The following ST18 variants were observed in gnomAD, a reference collection of about 807,000 sequenced individuals.
ST18 encodes the protein suppression of tumorigenicity 18 protein.
ST18 carries 50 observed loss-of-function variants against 110.0 expected under a neutral mutation model. The ratio of observed to expected loss-of-function variants is 0.45; its 90% CI spans 0.36 to 0.58. The LOEUF (loss-of-function observed/expected upper bound fraction) is 0.58, where lower values mean the gene tolerates loss of function less well. Ranked by LOEUF, ST18 falls within the 20% of genes least tolerant of loss-of-function variation. The probability of loss-of-function intolerance (pLI) is 0.00; values close to 1 mark genes in which losing one functional copy is unlikely to be tolerated. For synonymous variants in ST18, 461 were observed against 452.4 expected (o/e 1.02, Z -0.24); for missense variants, 1,306 against 1,280.1 (o/e 1.02, Z -0.31).
At chr8:52,310,336 C>A (rs2095883412) in intron 2 of ST18, among the ~76,000 whole-genome samples, 1 of 152,196 alleles carries the variant, frequency 6.6e-6, no homozygotes, top group South Asian at 2.1e-4. Flanking sequence ...TTTTTCTGCA[C>A]ACCTACACAT....
At chr8:52,309,273 C>T (rs760467979) in intron 2 of ST18, among the ~76,000 whole-genome samples, 1 of 152,166 alleles carries the variant, frequency 6.6e-6, no homozygotes, top group Non-Finnish European at 1.5e-5. Context: ...GTAATTCCAG[C>T]ACTTTGGGTG....
chr8:52,189,172 G>A (rs1474077390), intron 8 of ST18, among the ~76,000 whole-genome samples: 2 of 152,086 alleles, frequency 1.3e-5, no homozygotes, highest in African/African-American at 4.8e-5. Context: ...ACAGCATCTG[G>A]CTTTCTAAGA....
At position 52,131,910 on chromosome 8, in the gene ST18, G is replaced by A. The variant is rs373597580; in HGVS notation, c.2666+48C>T. The A allele has an allele frequency of 1.2e-5, 19 of 1,590,316 alleles. No homozygotes were observed. The African/African-American group carries it at 1.9e-4, about 16-fold the overall frequency. ...ACCCTCTCCCCAAGGCAGCCTAGGC[G>A]ACAACCGATCACAACACTACAACAA... On this transcript the variant is annotated intron_variant, in intron 22 of 25. Coordinates refer to ENST00000689386, the MANE Select transcript of ST18 (RefSeq NM_001352837.2).
At chr8:52,247,431 A>C (rs928060077) in intron 2 of ST18, among the ~76,000 whole-genome samples, 3 of 152,172 alleles carry the variant, frequency 2.0e-5, no homozygotes, top group Non-Finnish European at 2.9e-5. Context: ...CATTTCTGTA[A>C]AAGTAACTCC....
intron 2 of ST18, among the ~76,000 whole-genome samples, chr8:52,282,294 A>T (rs2095394630): frequency 6.6e-6 from 1 of 152,244 alleles, no homozygotes. Context: ...ACAAAATATT[A>T]TTAAACCCAT....
rs1806865152 is a variant in ST18, at chr8:52,327,171, T to C, written c.-465+82157A>G. Among the ~76,000 whole-genome samples the C allele has an allele frequency of 2.6e-5, 4 of 152,226 alleles. No individual in the cohort carries two copies. In the South Asian group the frequency reaches 6.2e-4, roughly 24 times the overall value. Reference sequence around the variant, plus strand: ...AAATATCAGAGCAATTACCTACTGGTCATGTACTCATAAGGATCTCCAGAA... The same window carrying C: ...AAATATCAGAGCAATTACCTACTGGCCATGTACTCATAAGGATCTCCAGAA... On this transcript the variant is annotated intron_variant, in intron 2 of 25. Coordinates refer to ENST00000689386, the MANE Select transcript of ST18 (RefSeq NM_001352837.2).
intron 2 of ST18, among the ~76,000 whole-genome samples, chr8:52,305,189 T>C (rs991783685): frequency 2.0e-5 from 3 of 152,204 alleles, no homozygotes; most frequent in African/African-American, 7.2e-5. Flanking sequence ...CTATATGATA[T>C]GGATAGAAAA....
intron 15 of ST18, 149 bp from the exon 16 acceptor site, chr8:52,150,126 G>T: frequency 1.7e-6 from 2 of 1,143,176 alleles, no homozygotes; most frequent in Non-Finnish European, 2.4e-6. Context: ...GTTGGGTAAT[G>T]TTCAATTCTT....
At chr8:52,399,832 G>T (rs1842342193) in intron 2 of ST18, among the ~76,000 whole-genome samples, 1 of 151,886 alleles carries the variant, frequency 6.6e-6, no homozygotes, top group South Asian at 2.1e-4. Context: ...ACTGACATAG[G>T]GGCTTTCCTG....
At chr8:52,328,982 A>C (rs1042392483) in intron 2 of ST18, among the ~76,000 whole-genome samples, 1 of 152,100 alleles carries the variant, frequency 6.6e-6, no homozygotes, top group Admixed American at 6.5e-5. Context: ...TTCCCCAGCC[A>C]TATTTCCTTG....
intron 22 of ST18, among the ~76,000 whole-genome samples, chr8:52,128,453 C>T (rs1001753610): frequency 1.3e-5 from 2 of 152,090 alleles, no homozygotes; most frequent in Non-Finnish European, 2.9e-5. Context: ...TACAAACATC[C>T]ATAATTGTGT....
intron 9 of ST18, among the ~76,000 whole-genome samples, chr8:52,175,180 G>T (rs2066425549): frequency 6.6e-6 from 1 of 152,162 alleles, no homozygotes; most frequent in Admixed American, 6.5e-5. Context: ...GTACCCTGTG[G>T]AGGCCACACG....
chr8:52,359,465 C>T (rs1356310941), intron 2 of ST18, among the ~76,000 whole-genome samples: 2 of 152,150 alleles, frequency 1.3e-5, no homozygotes, highest in African/African-American at 4.8e-5. Context: ...ATTTGAATGG[C>T]GTAGACACAT....
At chr8:52,241,845 G>A (rs1315207153) in intron 2 of ST18, among the ~76,000 whole-genome samples, 1 of 151,770 alleles carries the variant, frequency 6.6e-6, no homozygotes, top group Non-Finnish European at 1.5e-5. Context: ...TACCTAGGAG[G>A]AGCTATAATA....
intron 2 of ST18, among the ~76,000 whole-genome samples, chr8:52,345,353 C>CTTCA (rs1453106136): frequency 1.3e-5 from 2 of 152,184 alleles, no homozygotes; most frequent in African/African-American, 4.8e-5. Flanking sequence ...AAGGAAAGAA[C>CTTCA]TTCACATCAA....
At position 52,270,225 on chromosome 8, in the gene ST18, A is replaced by G. The variant is rs182953319; in HGVS notation, c.-464-40148T>C. Reference sequence around the variant, plus strand: ...TTACCTTTTAACTTCACTTAACCTCATAGCATAAGAGTTAAATCGTCTAAA... The same window carrying G: ...TTACCTTTTAACTTCACTTAACCTCGTAGCATAAGAGTTAAATCGTCTAAA... On this transcript the variant is annotated intron_variant, in intron 2 of 25. Transcript: ENST00000689386. Among the ~76,000 whole-genome samples, 4 of 152,328 alleles carry G rather than the reference A, an allele frequency of 2.6e-5. No individual in the cohort carries two copies. In the East Asian group the frequency reaches 7.7e-4, roughly 29 times the overall value.
At chr8:52,246,284 A>G (rs1222329456) in intron 2 of ST18, among the ~76,000 whole-genome samples, 1 of 152,076 alleles carries the variant, frequency 6.6e-6, no homozygotes, top group Non-Finnish European at 1.5e-5. Context: ...TATCAATTAA[A>G]AGAAACAATC....
At position 52,305,513 on chromosome 8, in the gene ST18, T is replaced by C. The variant is rs566592798; in HGVS notation, c.-464-75436A>G. Among the ~76,000 whole-genome samples the C allele has an allele frequency of 3.3e-5, 5 of 152,362 alleles. No individual in the cohort carries two copies. The East Asian group carries it at 9.7e-4, about 29-fold the overall frequency. ...GACCTCTTTTCTGAACTCACTTGTC[T>C]ATTAAACAGCCTACTTGCATCTTCT... is the stretch of plus-strand genomic sequence containing the variant. On this transcript the variant is annotated intron_variant, in intron 2 of 25. Transcript: ENST00000689386.
At chr8:52,244,478 CA>C (rs1435329906) in intron 2 of ST18, among the ~76,000 whole-genome samples, 2 of 152,092 alleles carry the variant, frequency 1.3e-5, no homozygotes, top group African/African-American at 4.8e-5. Flanking sequence ...AATGAAATGA[CA>C]GAGCTATAAT....
Sources: gnomAD v4.1 joint callset for allele counts (sites outside exome capture counted in the v4.1 genomes callset) on GRCh38, gnomAD v4.1.1 for gene constraint, MANE v1.5 for transcripts, NCBI Gene and HGNC (gene_info 2026-07-23, HGNC 2026-07-21) for gene names.